SUGCT: variants seen among roughly 807,000 people sequenced by gnomAD.
SUGCT encodes the protein succinyl-CoA:glutarate CoA-transferase.
SUGCT carries 41 observed loss-of-function variants against 55.0 expected under a neutral mutation model. That is an observed-to-expected ratio of 0.74 (90% CI 0.58 to 0.97). The LOEUF (loss-of-function observed/expected upper bound fraction) is 0.97. Among genes scored for constraint, SUGCT ranks in the 50% least tolerant of loss-of-function variants. The pLI is 0.00. For missense variants in SUGCT, 568 were observed against 547.8 expected (o/e 1.04, Z -0.37); for synonymous variants, 187 against 200.4 (o/e 0.93, Z 0.56).
chr7:40,146,224 T>C (rs975862411), intron 1 of SUGCT, among the ~76,000 whole-genome samples: 3 of 152,172 alleles, frequency 2.0e-5, no homozygotes, highest in Non-Finnish European at 4.4e-5. Flanking sequence ...TTGAATGCAT[T>C]TGGGCCATCC....
At chr7:40,835,276 A>T (rs980372234) in intron 13 of SUGCT, among the ~76,000 whole-genome samples, 6 of 152,310 alleles carry the variant, frequency 3.9e-5, no homozygotes, top group East Asian at 3.9e-4. Context: ...TCTCTTTGAG[A>T]TTCACCTGAA....
the SUGCT span, among the ~76,000 whole-genome samples, chr7:41,024,165 A>G: frequency 6.6e-6 from 1 of 152,348 alleles, no homozygotes; most frequent in Admixed American, 6.5e-5. Flanking sequence ...ATAAAGTTAG[A>G]ATCCTACCTT....
chr7:40,917,991 G>A, the SUGCT span, among the ~76,000 whole-genome samples: 2 of 152,126 alleles, frequency 1.3e-5, no homozygotes, highest in Admixed American at 6.5e-5. Context: ...TCCACATCCT[G>A]AAGGCCTAGA....
chr7:40,865,209 C>T (rs1275953699), downstream of SUGCT, among the ~76,000 whole-genome samples: 1 of 152,016 alleles, frequency 6.6e-6, no homozygotes, highest in Non-Finnish European at 1.5e-5. Context: ...TCTCCACACA[C>T]AGACACGCAC....
chr7:40,665,551 TAAG>T (rs1375623288), intron 12 of SUGCT, among the ~76,000 whole-genome samples: 7 of 152,106 alleles, frequency 4.6e-5, no homozygotes, highest in African/African-American at 1.4e-4. Flanking sequence ...AACACCGTTT[TAAG>T]AAGAAGGCAG....
intron 11 of SUGCT, among the ~76,000 whole-genome samples, chr7:40,470,996 G>A (rs984677709): frequency 6.6e-6 from 1 of 152,026 alleles, no homozygotes; most frequent in Non-Finnish European, 1.5e-5. Flanking sequence ...TTTAATGAAC[G>A]GAAACAAAAA....
chr7:40,231,585 G>T (rs186671868), intron 6 of SUGCT, among the ~76,000 whole-genome samples: 11 of 152,080 alleles, frequency 7.2e-5, no homozygotes, highest in Non-Finnish European at 1.3e-4. Context: ...TTGTGCAAAG[G>T]CCCCACCTTG....
At chr7:40,333,701 AT>A (rs1796489065) in intron 9 of SUGCT, among the ~76,000 whole-genome samples, 2 of 130,392 alleles carry the variant, frequency 1.5e-5, no homozygotes, top group Admixed American at 8.0e-5. Flanking sequence ...ATATATATAT[AT>A]AAATATTTAT....
intron 7 of SUGCT, among the ~76,000 whole-genome samples, chr7:40,255,879 T>C (rs778315343): frequency 3.3e-5 from 5 of 152,158 alleles, no homozygotes; most frequent in Non-Finnish European, 7.3e-5. Flanking sequence ...GTAAATATAA[T>C]GGACAGAGTT....
At chr7:40,299,990 G>A (rs1248338016) in intron 8 of SUGCT, among the ~76,000 whole-genome samples, 1 of 152,120 alleles carries the variant, frequency 6.6e-6, no homozygotes, top group Non-Finnish European at 1.5e-5. Context: ...CTGGCTTGCC[G>A]TCTAGGGGGG....
chr7:40,141,043 T>G (rs1353908984), intron 1 of SUGCT, among the ~76,000 whole-genome samples: 3 of 152,182 alleles, frequency 2.0e-5, no homozygotes, highest in East Asian at 3.9e-4. Context: ...GTAGTTTTCC[T>G]TGTAGATTTC....
chr7:40,447,387 T>C (rs1187748576), intron 9 of SUGCT, among the ~76,000 whole-genome samples: 1 of 152,124 alleles, frequency 6.6e-6, no homozygotes, highest in Non-Finnish European at 1.5e-5. Flanking sequence ...AGCTAGGAGA[T>C]GAACTTGGAC....
chr7:40,843,508 C>CAAAAAAAAA (rs57586466), intron 13 of SUGCT, among the ~76,000 whole-genome samples: 1 of 127,878 alleles, frequency 7.8e-6, no homozygotes, highest in Non-Finnish European at 1.7e-5. Flanking sequence ...GACTCTGTCT[C>CAAAAAAAAA]AAAAAAAAAA....
intron 8 of SUGCT, among the ~76,000 whole-genome samples, chr7:40,316,024 A>G (rs1795412066): frequency 6.6e-6 from 1 of 152,196 alleles, no homozygotes; most frequent in Admixed American, 6.5e-5. Context: ...ATACTACAGT[A>G]GTCAGAAATT....
At chr7:41,008,290 C>T in the SUGCT span, among the ~76,000 whole-genome samples, 164 of 152,308 alleles carry the variant, frequency 1.1e-3, no homozygotes, top group African/African-American at 3.8e-3. Flanking sequence ...TTCCACCCCA[C>T]GCTCCTGAAC....
intron 12 of SUGCT, among the ~76,000 whole-genome samples, chr7:40,666,478 T>G (rs1462478670): frequency 2.0e-5 from 3 of 147,416 alleles, no homozygotes; most frequent in African/African-American, 7.7e-5. Flanking sequence ...GATTTTCTGC[T>G]TCATGTTTTC....
chr7:40,215,647 G>A (rs951622465), intron 6 of SUGCT, among the ~76,000 whole-genome samples: 1 of 152,096 alleles, frequency 6.6e-6, no homozygotes, highest in African/African-American at 2.4e-5. Context: ...TGGATCACGA[G>A]GTCAGGAGAT....
the SUGCT span, among the ~76,000 whole-genome samples, chr7:40,959,789 A>G: frequency 6.6e-6 from 1 of 151,848 alleles, no homozygotes; most frequent in Admixed American, 6.6e-5. Context: ...CTTGAAACCC[A>G]GGGCACTGGT....
At chr7:40,715,477 G>A (rs1785972183) in intron 12 of SUGCT, among the ~76,000 whole-genome samples, 1 of 152,040 alleles carries the variant, frequency 6.6e-6, no homozygotes, top group African/African-American at 2.4e-5. Context: ...TCCATCAGTT[G>A]CCCTCATTTT....
Sources: gnomAD v4.1 joint callset for allele counts (sites outside exome capture counted in the v4.1 genomes callset) on GRCh38, gnomAD v4.1.1 for gene constraint, MANE v1.5 for transcripts, NCBI Gene and HGNC (gene_info 2026-07-23, HGNC 2026-07-21) for gene names.